ZBTB20: variants seen among roughly 807,000 people sequenced by gnomAD.
ZBTB20 encodes zinc finger and BTB domain containing 20.
In ZBTB20, 9 loss-of-function variants were observed where a neutral mutation model predicts 56.9. The observed-to-expected ratio is 0.16, with a 90% CI of 0.10 to 0.28. The LOEUF is 0.28. Among genes scored for constraint, ZBTB20 ranks in the 10% least tolerant of loss-of-function variants. The probability of loss-of-function intolerance (pLI) is 1.00; values close to 1 mark genes in which losing one functional copy is unlikely to be tolerated. For synonymous variants in ZBTB20, 417 were observed against 420.7 expected (o/e 0.99, Z 0.11); for missense variants, 655 against 1,003.0 (o/e 0.65, Z 4.69).
intron 4 of ZBTB20, among the ~76,000 whole-genome samples, chr3:114,806,340 T>A (rs2108859499): frequency 6.6e-6 from 1 of 152,076 alleles, no homozygotes; most frequent in South Asian, 2.1e-4. Flanking sequence ...GAAATAATAA[T>A]GTTGACCATG....
intron 3 of ZBTB20, among the ~76,000 whole-genome samples, chr3:114,955,374 C>T (rs1312668403): frequency 2.0e-5 from 3 of 152,132 alleles, no homozygotes; most frequent in Non-Finnish European, 4.4e-5. Context: ...AGAGCACATA[C>T]GAAATTGTCT....
intron 2 of ZBTB20, among the ~76,000 whole-genome samples, chr3:115,036,012 C>G (rs961573827): frequency 6.6e-6 from 1 of 152,098 alleles, no homozygotes; most frequent in African/African-American, 2.4e-5. Context: ...ATATGAAGTA[C>G]TTAGGGAAAT....
chr3:114,828,329 T>G (rs978962019), intron 4 of ZBTB20, among the ~76,000 whole-genome samples: 1 of 151,800 alleles, frequency 6.6e-6, no homozygotes, highest in Non-Finnish European at 1.5e-5. Context: ...AATTAAATTT[T>G]AATCTCTACA....
intron 6 of ZBTB20, among the ~76,000 whole-genome samples, chr3:114,577,412 A>G (rs977282854): frequency 6.6e-6 from 1 of 152,210 alleles, no homozygotes. Context: ...TAATAAAGAG[A>G]GATAAGAATC....
intron 6 of ZBTB20, among the ~76,000 whole-genome samples, chr3:114,578,011 A>C (rs992080460): frequency 6.6e-6 from 1 of 152,224 alleles, no homozygotes; most frequent in Non-Finnish European, 1.5e-5. Context: ...TGATTTTATG[A>C]AATTATCTGA....
chr3:114,412,869 C>G (rs1317886217), intron 7 of ZBTB20, among the ~76,000 whole-genome samples: 1 of 152,156 alleles, frequency 6.6e-6, no homozygotes, highest in Non-Finnish European at 1.5e-5. Context: ...CAAACGGAAT[C>G]ACATCTTTTT....
At chr3:114,914,296 CTTCAG>C (rs2075658483) in intron 3 of ZBTB20, among the ~76,000 whole-genome samples, 2 of 151,768 alleles carry the variant, frequency 1.3e-5, no homozygotes. Flanking sequence ...TCTTTCTCTT[CTTCAG>C]TTATTTCCTA....
intron 2 of ZBTB20, among the ~76,000 whole-genome samples, chr3:115,040,886 T>C (rs868402427): frequency 6.6e-6 from 1 of 152,160 alleles, no homozygotes; most frequent in Admixed American, 6.5e-5. Flanking sequence ...GATGGCGGCA[T>C]AGAGTGCCCA....
chr3:114,980,477 A>G (rs1211448736), intron 2 of ZBTB20, among the ~76,000 whole-genome samples: 3 of 151,978 alleles, frequency 2.0e-5, no homozygotes, highest in Admixed American at 6.6e-5. Context: ...GCACTTAAAC[A>G]TTTACATAAG....
chr3:115,096,381 A>C (rs1170684701), intron 1 of ZBTB20, among the ~76,000 whole-genome samples: 3 of 152,196 alleles, frequency 2.0e-5, no homozygotes, highest in Non-Finnish European at 4.4e-5. Context: ...TGGTTAAGAA[A>C]GTGAGGGATA....
intron 2 of ZBTB20, among the ~76,000 whole-genome samples, chr3:115,016,011 T>G (rs759309134): frequency 2.6e-5 from 4 of 152,006 alleles, no homozygotes; most frequent in Non-Finnish European, 5.9e-5. Flanking sequence ...TAATTGCCAT[T>G]CTGACTGGCA....
chr3:114,449,649 T>G (rs2109018009), intron 7 of ZBTB20, among the ~76,000 whole-genome samples: 1 of 150,574 alleles, frequency 6.6e-6, no homozygotes, highest in South Asian at 2.1e-4. Context: ...GAGGAGAACC[T>G]GCTTCTTTGT....
chr3:114,464,296 A>G (rs2092451509), intron 7 of ZBTB20, among the ~76,000 whole-genome samples: 1 of 152,144 alleles, frequency 6.6e-6, no homozygotes, highest in African/African-American at 2.4e-5. Context: ...TGGGCCACTT[A>G]TTTTTCCTGT....
chr3:114,953,191 A>G (rs1239865451), intron 3 of ZBTB20, among the ~76,000 whole-genome samples: 1 of 152,066 alleles, frequency 6.6e-6, no homozygotes, highest in African/African-American at 2.4e-5. Context: ...GAACAACTTT[A>G]GAACAACCTC....
intron 4 of ZBTB20, among the ~76,000 whole-genome samples, chr3:114,839,457 A>AAGAAAGAAAGAGAGAG (rs1560306792): frequency 1.3e-5 from 2 of 151,162 alleles, no homozygotes; most frequent in African/African-American, 4.9e-5. Flanking sequence ...GAAAGAAAGA[A>AAGAAAGAAAGAGAGAG]AGAAAGAAAG....
intron 6 of ZBTB20, among the ~76,000 whole-genome samples, chr3:114,675,812 TAAGA>T (rs2061594570): frequency 6.6e-6 from 1 of 151,912 alleles, no homozygotes; most frequent in African/African-American, 2.4e-5. Context: ...GCTAACTCAA[TAAGA>T]AAGAAAGAAA....
intron 5 of ZBTB20, among the ~76,000 whole-genome samples, chr3:114,796,164 T>C (rs754218078): frequency 4.6e-5 from 7 of 151,746 alleles, no homozygotes; most frequent in Non-Finnish European, 8.8e-5. Context: ...AATTTGATAG[T>C]TAGGGGAGAG....
chr3:115,007,407 GT>G (rs1483989459), intron 2 of ZBTB20, among the ~76,000 whole-genome samples: 4 of 151,686 alleles, frequency 2.6e-5, no homozygotes, highest in East Asian at 1.9e-4. Context: ...TGTTTTATGT[GT>G]TTTTTAAATG....
rs549878884 is a variant in ZBTB20 at position 114,368,779 on chromosome 3, T to C, written c.199+11438A>G. 2.0e-5 allele frequency among the ~76,000 whole-genome samples: 3 copies of C among 152,292 alleles called. No homozygotes were observed. In the South Asian group the frequency reaches 6.2e-4, roughly 32 times the overall value. ...CACTGCCCAGTGAAACCAGGCCTGC[T>C]TTGCAGTGCCTGTTAGCATGTCAAC... On this transcript the variant is annotated intron_variant, in intron 10 of 11. Coordinates refer to ENST00000675478, the MANE Select transcript of ZBTB20 (RefSeq NM_001348800.3).
Sources: allele counts gnomAD v4.1 joint callset (sites outside exome capture counted in the v4.1 genomes callset), GRCh38; gene constraint gnomAD v4.1.1; transcripts MANE v1.5; gene names NCBI Gene and HGNC (gene_info 2026-07-23, HGNC 2026-07-21).